Variants in RYR3 observed in about 807,000 individuals in gnomAD.
RYR3 encodes brain ryanodine receptor-calcium release channel.
A neutral mutation model predicts 584.3 loss-of-function variants in RYR3; 207 were observed. The observed-to-expected ratio is 0.35, with a 90% CI of 0.32 to 0.40. The LOEUF is 0.40. Among genes scored for constraint, RYR3 ranks in the 10% least tolerant of loss-of-function variants. The pLI, the probability that RYR3 is intolerant of heterozygous loss-of-function variation, is 1.00. For missense variants in RYR3, 5,616 were observed against 6,089.2 expected, an observed-to-expected ratio of 0.92 and a Z score of 2.59; for synonymous variants, 2,416 against 2,248.5, an observed-to-expected ratio of 1.07 and a Z score of -2.11.
chr15:33,571,502 A>G (rs2058026080), intron 12 of RYR3, among the ~76,000 whole-genome samples: 1 of 152,154 alleles, frequency 6.6e-6, no homozygotes, highest in Non-Finnish European at 1.5e-5. Context: ...ATATGTTTAT[A>G]ATAGATATAT....
chr15:33,843,245 G>A (rs992695815), intron 91 of RYR3, among the ~76,000 whole-genome samples: 2 of 152,078 alleles, frequency 1.3e-5, no homozygotes, highest in East Asian at 1.9e-4. Flanking sequence ...GCATGAACCC[G>A]GGAGGTGGAG....
At chr15:33,317,803 A>G (rs186408792) in intron 1 of RYR3, among the ~76,000 whole-genome samples, 2 of 152,052 alleles carry the variant, frequency 1.3e-5, no homozygotes, top group African/African-American at 4.8e-5. Flanking sequence ...TACATTGCTG[A>G]CTCTACAGTC....
At chr15:33,442,027 G>T (rs1456826564) in intron 1 of RYR3, among the ~76,000 whole-genome samples, 30 of 152,172 alleles carry the variant, frequency 2.0e-4, no homozygotes, top group Admixed American at 2.0e-3. Flanking sequence ...GCTCAGCTGG[G>T]TTATAGTCCG....
intron 1 of RYR3, among the ~76,000 whole-genome samples, chr15:33,352,135 TC>T (rs1293106327): frequency 6.6e-6 from 1 of 152,208 alleles, no homozygotes; most frequent in African/African-American, 2.4e-5. Flanking sequence ...ACTGTTCAGA[TC>T]TTTTGCCCGT....
At position 33,662,411 on chromosome 15, in the gene RYR3, C is replaced by T. The variant is rs377533503; in HGVS notation, c.4881C>T (p.Asn1627=). The T allele has an allele frequency of 1.4e-5, 22 of 1,613,772 alleles. No homozygotes were observed. Among genetic ancestry groups the T allele is most frequent in the Middle Eastern group, 1.6e-4 (1 of 6,084 alleles). ...SAKERKLMMK[N]EYIIPITSTT... ...AGGAGAGGAAGCTGATGATGAAGAA[C>T]GAGTACATCATCCCCATTACCAGCA... Residue 1627 remains asparagine (N), a synonymous_variant, in exon 35 of 104, where the codon AAC becomes AAT. Transcript: ENST00000634891.
chr15:33,864,050 G>C (rs1889513453), intron 102 of RYR3, 88 bp from the exon 103 acceptor site: 2 of 944,140 alleles, frequency 2.1e-6, no homozygotes, highest in Non-Finnish European at 3.3e-6. Flanking sequence ...GGACCAACTA[G>C]CCTTTCTGAG....
chr15:33,865,519 T>G lies in RYR3; in HGVS notation c.*293T>G, dbSNP rs888600623. ...GTTCTGAGGTAACTAGTTCAGTTTG[T>G]TGGGATGGAAGCATGAAGGAAAGGG... On this transcript the variant is annotated 3_prime_UTR_variant, in exon 104 of 104. Transcript: ENST00000634891. 3.0e-6 allele frequency: 1 copy of G among 337,502 alleles called. No individual in the cohort carries two copies. Among genetic ancestry groups the G allele is most frequent in the Admixed American group, 4.5e-5 (1 of 22,192 alleles). The allele number at this position is 337,502 out of a possible 1,614,324, so 20.9% of individuals were successfully genotyped here.
At chr15:33,504,692 G>GT (rs1457661726) in intron 3 of RYR3, among the ~76,000 whole-genome samples, 1 of 152,160 alleles carries the variant, frequency 6.6e-6, no homozygotes, top group Non-Finnish European at 1.5e-5. Context: ...CCCTTTAGGA[G>GT]TTGGTGAGCC....
In RYR3 at chr15:33,344,244, A is replaced by G. The variant is rs1972167315; in HGVS notation, c.51+33148A>G. Among the ~76,000 whole-genome samples the G allele has an allele frequency of 2.0e-5, 3 of 152,228 alleles. No homozygotes were observed. The South Asian group carries it at 6.2e-4, about 32-fold the overall frequency. On this transcript the variant is annotated intron_variant, in intron 1 of 103. Coordinates refer to ENST00000634891, the MANE Select transcript of RYR3 (RefSeq NM_001036.6). ...TGGAAACTCTCTTGCTGACTTCATT[A>G]AAGAGCTTGCACCTTGTACTGAAAT...
intron 67 of RYR3, among the ~76,000 whole-genome samples, chr15:33,799,798 A>G (rs896660995): frequency 4.6e-5 from 7 of 152,192 alleles, no homozygotes; most frequent in African/African-American, 1.7e-4. Flanking sequence ...TGGGGACTGC[A>G]CTAAATCCAG....
intron 3 of RYR3, among the ~76,000 whole-genome samples, chr15:33,512,811 A>C (rs2053156634): frequency 6.6e-6 from 1 of 152,228 alleles, no homozygotes; most frequent in African/African-American, 2.4e-5. Context: ...AAAAAAATGT[A>C]AACATCTTCA....
At chr15:33,835,166 C>G (rs1394230513) in intron 87 of RYR3, 94 bp downstream of exon 87, 1 of 972,902 alleles carries the variant, frequency 1.0e-6, no homozygotes, top group East Asian at 2.6e-5. Flanking sequence ...GCTGCTTGAT[C>G]AAAGGCTGGA....
intron 1 of RYR3, among the ~76,000 whole-genome samples, chr15:33,438,666 A>G (rs1025425621): frequency 2.0e-5 from 3 of 152,332 alleles, no homozygotes; most frequent in East Asian, 3.9e-4. Context: ...GATTAATTTG[A>G]GGATAACGGA....
intron 19 of RYR3, among the ~76,000 whole-genome samples, chr15:33,614,467 A>T (rs1270621597): frequency 6.6e-6 from 1 of 152,148 alleles, no homozygotes; most frequent in Non-Finnish European, 1.5e-5. Flanking sequence ...GTTATTTGTT[A>T]TTTTAAATCT....
chr15:33,523,316 G>A (rs1047370292), intron 3 of RYR3, among the ~76,000 whole-genome samples: 2 of 152,076 alleles, frequency 1.3e-5, no homozygotes, highest in Non-Finnish European at 2.9e-5. Context: ...TGCTTTTCAC[G>A]GTAAATCTTG....
rs1567312677 is a variant in RYR3 at position 33,848,310 on chromosome 15, A to G, written c.13517A>G (p.Lys4506Arg). 1.2e-6 allele frequency: 2 copies of G among 1,613,744 alleles called. No individual in the cohort carries two copies. The highest frequency in any genetic ancestry group is 1.3e-5 in the African/African-American group (1 of 75,040). The change falls in exon 94 of 104, where the codon AAA (lysine) becomes AGA (arginine). Residue 4506 changes from lysine to arginine, a missense_variant. By Grantham distance (26) the Lys-to-Arg change is conservative. This residue lies in a region of RYR3 where 918 missense variants were observed against 887.4 expected (regional missense o/e 1.03). Coordinates refer to ENST00000634891, the MANE Select transcript of RYR3 (RefSeq NM_001036.6). Reference protein sequence around the residue: ...YCLKVPLVVFKREKEIARKLE... With the variant: ...YCLKVPLVVFRREKEIARKLE... ...TCCTAGGTGCCTTTGGTGGTTTTCA[A>G]AAGGGAAAAAGAAATCGCCAGGAAG...
At position 33,594,747 on chromosome 15, in the gene RYR3, G is replaced by C. The variant is rs151017900; in HGVS notation, c.1789-6672G>C. On this transcript the variant is annotated intron_variant, in intron 16 of 103. Coordinates refer to ENST00000634891, the MANE Select transcript of RYR3 (RefSeq NM_001036.6). ...GAAAGTTTCAAACAAGATAAAACAA[G>C]ACAGCTTTTTGTGGATGAAAAAAAG... Among the ~76,000 whole-genome samples the C allele has an allele frequency of 9.5e-3, 1,451 of 152,154 alleles. 10 individuals carry two copies. The highest frequency in any genetic ancestry group is 0.016 in the Non-Finnish European group (1,089 of 67,984).
At chr15:33,687,590 G>T (rs1444163888) in intron 38 of RYR3, among the ~76,000 whole-genome samples, 1 of 152,152 alleles carries the variant, frequency 6.6e-6, no homozygotes, top group Non-Finnish European at 1.5e-5. Context: ...AACCAAAAAA[G>T]AGCCCACATT....
chr15:33,652,947 T>C (rs1008599384), intron 32 of RYR3, 64 bp downstream of exon 32: 2 of 1,489,176 alleles, frequency 1.3e-6, no homozygotes, highest in Admixed American at 2.2e-5. Context: ...ACTGTGTTCC[T>C]TGTTCTCCGT....
Sources: gnomAD v4.1 joint callset for allele counts (sites outside exome capture counted in the v4.1 genomes callset) on GRCh38, gnomAD v4.1.1 for gene constraint, gnomAD v4.1.1 regional missense constraint, MANE v1.5 for transcripts, NCBI Gene and HGNC (gene_info 2026-07-23, HGNC 2026-07-21) for gene names.